Variants in NPAS1 observed in about 807,000 individuals in gnomAD.
NPAS1 encodes the protein neuronal PAS domain protein 1.
In NPAS1, 29 loss-of-function variants were observed where a neutral mutation model predicts 49.2. That is an observed-to-expected ratio of 0.59 (90% CI 0.44 to 0.80). NPAS1 has a LOEUF of 0.80. Among genes scored for constraint, NPAS1 ranks in the 30% least tolerant of loss-of-function variants. The pLI is 0.00. For missense variants in NPAS1, 825 were observed against 835.5 expected (o/e 0.99, Z 0.15); for synonymous variants, 408 against 380.4 (o/e 1.07, Z -0.84).
chr19:47,020,673 G>A (rs886642523), intron 1 of NPAS1, among the ~76,000 whole-genome samples: 2 of 151,692 alleles, frequency 1.3e-5, no homozygotes, highest in African/African-American at 4.8e-5. Flanking sequence ...CCCGGCTTGG[G>A]CATGCTTGGC....
chr19:47,030,659 T>C (rs2056899719), intron 3 of NPAS1, among the ~76,000 whole-genome samples: 1 of 60,128 alleles, frequency 1.7e-5, no homozygotes, highest in Non-Finnish European at 4.1e-5. Flanking sequence ...TTTTTTTTTT[T>C]TTTTTTTTGT....
intron 7 of NPAS1, 29 bp from the exon 8 acceptor site, chr19:47,039,378 C>A: frequency 1.2e-6 from 2 of 1,610,364 alleles, no homozygotes; most frequent in South Asian, 1.1e-5. Context: ...CCGCCTTGTC[C>A]CTCCTCCAAC....
Position 47,045,611 on chromosome 19 carries a change from C to T in NPAS1, c.1733C>T (p.Pro578Leu). ...TACCCGCCCCTGGGCCTGCCCTACC[C>T]GGGGCCCGCGGGCACCAGGCTGCCG... ...AFYPPLGLPY[P>L]GPAGTRLPRK... Residue 578 changes from proline (P) to leucine (L), a missense_variant, in exon 12 of 12, where the codon CCG becomes CTG. By Grantham distance (98) the Pro-to-Leu change is moderately conservative (BLOSUM62 -3). Transcript: ENST00000602212. 7 of 1,445,432 alleles carry T rather than the reference C, an allele frequency of 4.8e-6. No homozygotes were observed. Among genetic ancestry groups the T allele is most frequent in the Non-Finnish European group, 6.3e-6 (7 of 1,110,418 alleles). The allele number at this position is 1,445,432 out of a possible 1,614,324, so 89.5% of individuals were successfully genotyped here.
intron 10 of NPAS1, among the ~76,000 whole-genome samples, chr19:47,042,339 C>T (rs867358702): frequency 1.3e-5 from 2 of 152,048 alleles, no homozygotes; most frequent in Non-Finnish European, 1.5e-5. Context: ...AAAAACCCTT[C>T]TAGCTGCCAT....
chr19:47,030,156 T>A (rs1336546406), intron 3 of NPAS1, among the ~76,000 whole-genome samples: 1 of 152,136 alleles, frequency 6.6e-6, no homozygotes, highest in Non-Finnish European at 1.5e-5. Context: ...CCTAAGTAGC[T>A]GGGATTATAG....
chr19:47,040,741 G>GT (rs2057010876), intron 9 of NPAS1, 191 bp downstream of exon 9: 1 of 585,222 alleles, frequency 1.7e-6, no homozygotes, highest in South Asian at 2.2e-5. Flanking sequence ...GTGTGTGTGG[G>GT]GGGGGGGTCT....
chr19:47,031,259 C>T (rs569590604), intron 3 of NPAS1, among the ~76,000 whole-genome samples: 5 of 150,220 alleles, frequency 3.3e-5, no homozygotes, highest in East Asian at 3.9e-4. Flanking sequence ...AGTGCAGTGG[C>T]GCGATCTTGA....
At position 47,021,277 on chromosome 19, in the gene NPAS1, GC is replaced by G; in HGVS notation, c.122+112del. 1.0e-6 allele frequency: 1 copy of G among 986,076 alleles called. No individual in the cohort carries two copies. Among genetic ancestry groups the G allele is most frequent in the Non-Finnish European group, 1.4e-6 (1 of 692,336 alleles). The allele number at this position is 986,076 out of a possible 1,614,324, so 61.1% of individuals were successfully genotyped here. A position where few individuals can be genotyped will look rare whatever the true frequency, so the allele number is the denominator to read the frequency against. ...CAGTTCACACCCAGCTCCCTGACCC[GC>G]CCCTTAGGGCTAGAAGGTCTTACCT... is the stretch of plus-strand genomic sequence containing the variant. On this transcript the variant is annotated intron_variant, in intron 2 of 11. Coordinates refer to ENST00000602212, the MANE Select transcript of NPAS1 (RefSeq NM_002517.4). This position sits in a 1 kb window ranked among gnomAD's most constrained non-coding sequence, Gnocchi z 5.7.
chr19:47,021,863 C>G lies in NPAS1; in HGVS notation c.358+16C>G. 1 of 1,425,114 alleles carries G rather than the reference C, an allele frequency of 7.0e-7. No individual in the cohort carries two copies. Among genetic ancestry groups the G allele is most frequent in the South Asian group, 1.5e-5 (1 of 68,936 alleles). 88.3% of individuals were successfully genotyped at this position (1,425,114 alleles called of 1,614,324 possible). A position where few individuals can be genotyped will look rare whatever the true frequency, so the allele number is the denominator to read the frequency against. On this transcript the variant is annotated intron_variant, in intron 3 of 11. Transcript: ENST00000602212. This position sits in a 1 kb window ranked among gnomAD's most constrained non-coding sequence, Gnocchi z 5.7. ...GCTGGCCTCGGTGAGTGCTCATGCG[C>G]GGGGCGAGGGTCCCGGGGCCCTCCA...
intron 6 of NPAS1, among the ~76,000 whole-genome samples, chr19:47,038,816 A>G (rs1198897027): frequency 6.6e-6 from 1 of 151,828 alleles, no homozygotes; most frequent in Non-Finnish European, 1.5e-5. Flanking sequence ...ACAGAGTGAT[A>G]TTCAGTCTCA....
chr19:47,038,030 G>C (rs910000498), intron 6 of NPAS1, among the ~76,000 whole-genome samples: 1 of 152,194 alleles, frequency 6.6e-6, no homozygotes, highest in Admixed American at 6.5e-5. Context: ...ACCCAGATGG[G>C]GCAGGGCTGG....
At chr19:47,020,836 G>C (rs1291684306) in intron 1 of NPAS1, 170 bp from the exon 2 acceptor site, 31 of 391,756 alleles carry the variant, frequency 7.9e-5, no homozygotes, top group African/African-American at 6.0e-4. Flanking sequence ...CGCCAGCCCC[G>C]GGCCGGCTAG....
intron 5 of NPAS1, chr19:47,035,203 G>GAAGAAGAAGAAGAAGA (rs1212839317): frequency 6.5e-6 from 1 of 153,308 alleles, no homozygotes; most frequent in Non-Finnish European, 1.4e-5. Flanking sequence ...AGAAGAAGAA[G>GAAGAAGAAGAAGAAGA]AAGAAGAAGA....
chr19:47,025,123 C>G (rs919128215), intron 3 of NPAS1, among the ~76,000 whole-genome samples: 1 of 135,152 alleles, frequency 7.4e-6, no homozygotes, highest in Non-Finnish European at 1.7e-5. Flanking sequence ...TCCCATAGCA[C>G]TTATTGTCAT....
Position 47,021,167 on chromosome 19 carries a change from G to A in NPAS1, c.120G>A (p.Pro40=). The A allele has an allele frequency of 2.5e-6, 4 of 1,575,908 alleles. No homozygotes were observed. Among genetic ancestry groups the A allele is most frequent in the Middle Eastern group, 1.8e-4 (1 of 5,612 alleles). Residue 40 remains proline (P), a splice_region_variant and synonymous_variant, in exon 2 of 12, where the codon CCG becomes CCA. Transcript: ENST00000602212. This position sits in a 1 kb window ranked among gnomAD's most constrained non-coding sequence, Gnocchi z 5.7. ...PGLMVKAPSG[P]CLQAQRKEKS... is the part of the protein sequence containing the mutation. ...TGATGGTCAAGGCGCCGTCCGGACC[G>A]TGGTGAGCAAAGCCCCGCCCCCCTG...
At position 47,021,727 on chromosome 19, in the gene NPAS1, A is replaced by G; in HGVS notation, c.238A>G (p.Ser80Gly). ...TCTCCCGCTGCCCGGCGCCATCTCCAGCCAGCTGGACAAGGCTTCCATCGT... is the reference window on the plus strand; with the variant it reads ...TCTCCCGCTGCCCGGCGCCATCTCCGGCCAGCTGGACAAGGCTTCCATCGT... ...KLLPLPGAIS[S>G]QLDKASIVRL... The change falls in exon 3 of 12, where the codon AGC becomes GGC. Residue 80 changes from serine (S) to glycine (G), a missense_variant. Coordinates refer to ENST00000602212, the MANE Select transcript of NPAS1 (RefSeq NM_002517.4). The surrounding 1 kb of genome is among the most constrained non-coding windows in gnomAD (Gnocchi z 5.7). 1.3e-6 allele frequency: 2 copies of G among 1,550,474 alleles called. No homozygotes were observed. The highest frequency in any genetic ancestry group is 1.7e-6 in the Non-Finnish European group (2 of 1,148,236).
At chr19:47,036,499 G>T (rs1374808741) in intron 6 of NPAS1, among the ~76,000 whole-genome samples, 1 of 152,188 alleles carries the variant, frequency 6.6e-6, no homozygotes, top group Non-Finnish European at 1.5e-5. Flanking sequence ...CCGGCACTTC[G>T]GGAGGCCCAG....
At chr19:47,020,420 T>C (rs1216010961) in intron 1 of NPAS1, among the ~76,000 whole-genome samples, 4 of 150,340 alleles carry the variant, frequency 2.7e-5, no homozygotes, top group African/African-American at 9.8e-5. Context: ...GAGGAAGTTG[T>C]GGTCGTGGGG....
intron 8 of NPAS1, 98 bp from the exon 9 acceptor site, chr19:47,040,346 C>G: frequency 1.3e-6 from 1 of 745,586 alleles, no homozygotes; most frequent in Non-Finnish European, 2.3e-6. Context: ...ACCCATTTTA[C>G]AGCAAGGGTG....
Sources: allele counts gnomAD v4.1 joint callset (sites outside exome capture counted in the v4.1 genomes callset), GRCh38; gene constraint gnomAD v4.1.1; non-coding constraint Gnocchi (gnomAD v3.1); transcripts MANE v1.5; gene names NCBI Gene and HGNC (gene_info 2026-07-23, HGNC 2026-07-21).